Variants in GRIK2 observed in about 807,000 individuals in gnomAD.
GRIK2 encodes glutamate ionotropic receptor kainate type subunit 2, also known as glutamate receptor ionotropic, kainate 2.
GRIK2 carries 32 observed loss-of-function variants against 100.3 expected under a neutral mutation model. The ratio of observed to expected loss-of-function variants is 0.32; its 90% CI spans 0.24 to 0.43. The LOEUF is 0.43. Among genes scored for constraint, GRIK2 ranks in the 20% least tolerant of loss-of-function variants. The pLI, the probability that GRIK2 is intolerant of heterozygous loss-of-function variation, is 1.00. For missense variants in GRIK2, 843 were observed against 1,114.9 expected (o/e 0.76, Z 3.47); for synonymous variants, 417 against 389.4 (o/e 1.07, Z -0.83).
intron 12 of GRIK2, among the ~76,000 whole-genome samples, chr6:101,909,788 GA>G (rs1292325924): frequency 6.6e-6 from 1 of 150,902 alleles, no homozygotes; most frequent in African/African-American, 2.4e-5. Context: ...AGAACACAAT[GA>G]ATAGATATAT....
chr6:102,019,926 T>C (rs1769337017), intron 14 of GRIK2, among the ~76,000 whole-genome samples: 1 of 152,010 alleles, frequency 6.6e-6, no homozygotes, highest in Non-Finnish European at 1.5e-5. Flanking sequence ...TCAATTGAAA[T>C]GTCAAATTTA....
intron 7 of GRIK2, among the ~76,000 whole-genome samples, chr6:101,730,792 C>T (rs1775211769): frequency 6.6e-6 from 1 of 150,600 alleles, no homozygotes; most frequent in Admixed American, 6.7e-5. Context: ...ACATACTTCA[C>T]AGCTGGGCAA....
rs184636251 is a variant in GRIK2 at position 101,624,231 on chromosome 6, T to A, written c.283+2115T>A. On this transcript the variant is annotated intron_variant, in intron 3 of 16. Coordinates refer to ENST00000369134, the MANE Select transcript of GRIK2 (RefSeq NM_021956.5). ...TTGCTTGAAACACACTTAGAAACAT[T>A]CTAAATAACTTAATTCAGTGTTTTT... Among the ~76,000 whole-genome samples, 892 of 152,198 alleles carry A rather than the reference T, an allele frequency of 5.9e-3. 6 individuals are homozygous for A. Among genetic ancestry groups the A allele is most frequent in the Non-Finnish European group, 8.0e-3 (542 of 67,980 alleles).
At chr6:101,995,650 A>G (rs182335098) in intron 14 of GRIK2, among the ~76,000 whole-genome samples, 1,969 of 152,006 alleles carry the variant, frequency 0.013, 33 homozygotes, top group Non-Finnish European at 0.016. Flanking sequence ...ATTTGTTCAA[A>G]TATTTCAATC....
At position 101,686,198 on chromosome 6, in the gene GRIK2, G is replaced by T; in HGVS notation, c.796G>T (p.Val266Phe). ...CTTTCAGGACCTCTTTGCTCTTGAT[G>T]TTGAGCCCTACCGATACAGTGGTGT... ...FTTLDLFALDVEPYRYSGVNM... is the reference protein window; with the variant it reads ...FTTLDLFALDFEPYRYSGVNM... The change falls in exon 7 of 17, where the codon GTT becomes TTT. Residue 266 changes from valine to phenylalanine, a missense_variant. Physicochemically the swap from Val to Phe is conservative, Grantham distance 50 (BLOSUM62 -1). This residue lies in a region of GRIK2 where 519 missense variants were observed against 643.8 expected (regional missense o/e 0.81). Transcript: ENST00000369134. The T allele has an allele frequency of 2.5e-6, 4 of 1,611,620 alleles. No homozygotes were observed. The highest frequency in any genetic ancestry group is 3.4e-6 in the Non-Finnish European group (4 of 1,178,274).
intron 2 of GRIK2, among the ~76,000 whole-genome samples, chr6:101,547,392 A>G (rs1338102375): frequency 6.6e-6 from 1 of 152,146 alleles, no homozygotes; most frequent in African/African-American, 2.4e-5. Flanking sequence ...ATATGTATAC[A>G]TGTGCCATGT....
At chr6:101,817,431 A>G (rs1317768862) in intron 9 of GRIK2, among the ~76,000 whole-genome samples, 1 of 152,200 alleles carries the variant, frequency 6.6e-6, no homozygotes, top group Admixed American at 6.5e-5. Context: ...ATACTTGTCT[A>G]GGAGAGTATG....
At chr6:101,638,422 A>T (rs1037139847) in intron 4 of GRIK2, among the ~76,000 whole-genome samples, 2 of 151,864 alleles carry the variant, frequency 1.3e-5, no homozygotes, top group African/African-American at 4.8e-5. Flanking sequence ...TAGGGAGTAC[A>T]TGGGAAGAAA....
intron 2 of GRIK2, among the ~76,000 whole-genome samples, chr6:101,437,758 C>T (rs756344016): frequency 2.9e-4 from 44 of 152,048 alleles, no homozygotes; most frequent in South Asian, 6.2e-4. Context: ...GATCCTCGCC[C>T]GTAAAATAGG....
intron 12 of GRIK2, among the ~76,000 whole-genome samples, chr6:101,906,887 A>G (rs955323604): frequency 1.3e-5 from 2 of 151,732 alleles, no homozygotes; most frequent in Admixed American, 6.6e-5. Flanking sequence ...GTTGATTGCT[A>G]TTTTTCCTCA....
chr6:101,956,628 G>A (rs1791952595), intron 14 of GRIK2, among the ~76,000 whole-genome samples: 1 of 151,792 alleles, frequency 6.6e-6, no homozygotes, highest in African/African-American at 2.4e-5. Context: ...ATGAGAATAT[G>A]AGGTATTTGA....
At chr6:101,548,274 T>C (rs1357781653) in intron 2 of GRIK2, among the ~76,000 whole-genome samples, 1 of 152,236 alleles carries the variant, frequency 6.6e-6, no homozygotes, top group African/African-American at 2.4e-5. Flanking sequence ...GTAGGTTGCC[T>C]GTTCACTCTG....
At position 101,844,199 on chromosome 6, in the gene GRIK2, A is replaced by G. The variant is rs543628405; in HGVS notation, c.1318-15088A>G. ...TGTAATAAAATATTTGAGAAATTAG[A>G]TCTAAATTTACTTTTTAAATGAAGG... On this transcript the variant is annotated intron_variant, in intron 10 of 16. Coordinates refer to ENST00000369134, the MANE Select transcript of GRIK2 (RefSeq NM_021956.5). Among the ~76,000 whole-genome samples the G allele has an allele frequency of 6.7e-4, 102 of 152,306 alleles. 1 individual carries two copies. Among genetic ancestry groups the G allele is most frequent in the African/African-American group, 2.4e-3 (100 of 41,574 alleles).
intron 14 of GRIK2, among the ~76,000 whole-genome samples, chr6:101,956,331 GAATATTGTTACCTTAAC>G (rs781021363): frequency 3.3e-5 from 5 of 152,082 alleles, no homozygotes; most frequent in Non-Finnish European, 7.4e-5. Context: ...TCTATTTGGA[GAATATTGTTACCTTAAC>G]AATATTATGT....
At chr6:101,650,868 C>T (rs893485925) in intron 4 of GRIK2, among the ~76,000 whole-genome samples, 1 of 152,076 alleles carries the variant, frequency 6.6e-6, no homozygotes, top group African/African-American at 2.4e-5. Flanking sequence ...ATTCCCCACC[C>T]CCTAGCACCT....
chr6:101,713,570 T>G (rs1231757282), intron 7 of GRIK2, among the ~76,000 whole-genome samples: 1 of 151,868 alleles, frequency 6.6e-6, no homozygotes, highest in Admixed American at 6.6e-5. Context: ...CAAAAGACTA[T>G]GATAAATCAG....
At chr6:101,602,180 G>A (rs756085627) in intron 2 of GRIK2, among the ~76,000 whole-genome samples, 32 of 151,502 alleles carry the variant, frequency 2.1e-4, no homozygotes, top group African/African-American at 6.3e-4. Flanking sequence ...TATTGTTTAT[G>A]CAGAAGTCAT....
At chr6:101,975,087 A>C (rs79075576) in intron 14 of GRIK2, among the ~76,000 whole-genome samples, 1 of 152,000 alleles carries the variant, frequency 6.6e-6, no homozygotes, top group Non-Finnish European at 1.5e-5. Flanking sequence ...GGAAGGAGTC[A>C]AGGATGATTT....
At chr6:101,815,103 C>G (rs1267281732) in intron 9 of GRIK2, among the ~76,000 whole-genome samples, 2 of 152,000 alleles carry the variant, frequency 1.3e-5, no homozygotes, top group Non-Finnish European at 2.9e-5. Flanking sequence ...TCCTGGCAGT[C>G]AAATACGCTG....
Sources: gnomAD v4.1 joint callset for allele counts (sites outside exome capture counted in the v4.1 genomes callset) on GRCh38, gnomAD v4.1.1 for gene constraint, gnomAD v4.1.1 regional missense constraint, MANE v1.5 for transcripts, NCBI Gene and HGNC (gene_info 2026-07-23, HGNC 2026-07-21) for gene names.